The following SLC37A3 variants were observed in gnomAD, a reference collection of about 807,000 sequenced individuals.
The protein encoded by SLC37A3 is sugar phosphate exchanger 3.
A neutral mutation model predicts 67.1 loss-of-function variants in SLC37A3; 51 were observed. The observed-to-expected ratio is 0.76, with a 90% CI of 0.61 to 0.96. The LOEUF is 0.96. Ranked by LOEUF, SLC37A3 falls within the 40% of genes least tolerant of loss-of-function variation. The pLI is 0.00. For synonymous variants in SLC37A3, 214 were observed against 231.4 expected (o/e 0.92, Z 0.68); for missense variants, 508 against 603.0 (o/e 0.84, Z 1.65).
intron 3 of SLC37A3, among the ~76,000 whole-genome samples, chr7:140,372,661 A>G (rs1416053676): frequency 6.6e-6 from 1 of 152,072 alleles, no homozygotes; most frequent in African/African-American, 2.4e-5. Flanking sequence ...TCAAAAGTTC[A>G]AGACCAGCCT....
chr7:140,345,110 T>C, intron 12 of SLC37A3, 106 bp downstream of exon 12: 1 of 973,308 alleles, frequency 1.0e-6, no homozygotes, highest in East Asian at 2.5e-5. Context: ...GAATTCTCTG[T>C]AATTAAGGTT....
rs58258857 is a variant in SLC37A3 at position 140,345,335 on chromosome 7, C to T, written c.1127-72G>A. 2,390 of 1,170,120 alleles carry T rather than the reference C, an allele frequency of 2.0e-3. 32 individuals are homozygous for T. The African/African-American group carries it at 0.032, about 15-fold the overall frequency. 72.5% of individuals were successfully genotyped at this position (1,170,120 alleles called of 1,614,324 possible). Reference sequence around the variant, plus strand: ...TCCACGTGCCTCTGCCAACCGTACGCGAAGATCTGAATCTCCGTGACCTCA... The same window carrying T: ...TCCACGTGCCTCTGCCAACCGTACGTGAAGATCTGAATCTCCGTGACCTCA... On this transcript the variant is annotated intron_variant, in intron 11 of 14. Coordinates refer to ENST00000326232, the MANE Select transcript of SLC37A3 (RefSeq NM_207113.3).
At chr7:140,382,152 T>C (rs1275458126) in intron 2 of SLC37A3, among the ~76,000 whole-genome samples, 1 of 151,930 alleles carries the variant, frequency 6.6e-6, no homozygotes, top group Non-Finnish European at 1.5e-5. Context: ...AGAGCTGTCC[T>C]GTGCATGGGA....
chr7:140,389,969 G>A (rs934744626), intron 1 of SLC37A3, among the ~76,000 whole-genome samples: 4 of 152,054 alleles, frequency 2.6e-5, no homozygotes, highest in African/African-American at 9.7e-5. Context: ...ATGCACTGTA[G>A]TCCTAGCTAC....
intron 6 of SLC37A3, among the ~76,000 whole-genome samples, chr7:140,356,420 G>A (rs1797031885): frequency 1.3e-5 from 2 of 152,128 alleles, no homozygotes; most frequent in East Asian, 1.9e-4. Flanking sequence ...GAGGGCTCAC[G>A]CCTGTAATCT....
intron 1 of SLC37A3, among the ~76,000 whole-genome samples, chr7:140,395,520 G>A (rs998717174): frequency 1.5e-4 from 22 of 149,946 alleles, no homozygotes; most frequent in African/African-American, 4.9e-4. Flanking sequence ...CCACCCTGGC[G>A]AATATGGCGA....
rs746562996 is a variant in SLC37A3, at chr7:140,364,399, T to G, written c.375+9A>C. ...ACCAAAATAATAATAATAAGACCTT[T>G]CAACTTACCACTAATGCAGAAGAGC... On this transcript the variant is annotated intron_variant, in intron 5 of 14. Transcript: ENST00000326232. The G allele has an allele frequency of 6.2e-7, 1 of 1,611,592 alleles. No individual in the cohort carries two copies. Among genetic ancestry groups the G allele is most frequent in the Non-Finnish European group, 8.5e-7 (1 of 1,178,900 alleles).
rs1234448342 is a variant in SLC37A3 at position 140,364,431 on chromosome 7, C to G, written c.352G>C (p.Gly118Arg). The part of the protein sequence containing the change: ...RLNLRWVLSF[G>R]MCSSALVVFV... ...ACCACTAATGCAGAAGAGCACATGC[C>G]AAAAGACAGAACCCATCGCAAATTC... is the stretch of plus-strand genomic sequence containing the variant. Residue 118 changes from glycine (G) to arginine (R), a missense_variant, in exon 5 of 15, where the codon GGC becomes CGC. Physicochemically the swap from Gly to Arg is moderately radical, Grantham distance 125 (BLOSUM62 -2). Transcript: ENST00000326232. The G allele has an allele frequency of 1.2e-6, 2 of 1,613,722 alleles. No homozygotes were observed.
chr7:140,388,158 CA>C (rs2129912574), intron 1 of SLC37A3, among the ~76,000 whole-genome samples: 1 of 151,640 alleles, frequency 6.6e-6, no homozygotes, highest in Non-Finnish European at 1.5e-5. Context: ...TCTGGACAGA[CA>C]TGGTGGCTCA....
At chr7:140,364,571 G>A in intron 4 of SLC37A3, 80 bp from the exon 5 acceptor site, 1 of 1,241,610 alleles carries the variant, frequency 8.1e-7, no homozygotes, top group Non-Finnish European at 1.2e-6. Context: ...AAGCAAATGA[G>A]ACAAACACAG....
At chr7:140,336,853 C>G (rs1796151662) in intron 14 of SLC37A3, among the ~76,000 whole-genome samples, 1 of 150,806 alleles carries the variant, frequency 6.6e-6, no homozygotes, top group Non-Finnish European at 1.5e-5. Flanking sequence ...AATCCCAGCA[C>G]TTTGGGAGGC....
intron 1 of SLC37A3, among the ~76,000 whole-genome samples, chr7:140,389,780 CAATTATTATTTCT>C (rs778083385): frequency 2.0e-5 from 3 of 152,100 alleles, no homozygotes; most frequent in Non-Finnish European, 2.9e-5. Flanking sequence ...AAATTTCCCC[CAATTATTATTTCT>C]AATTTCACTT....
chr7:140,362,746 C>T (rs1585308071), intron 5 of SLC37A3, among the ~76,000 whole-genome samples: 3 of 92,830 alleles, frequency 3.2e-5, no homozygotes, highest in Non-Finnish European at 7.1e-5. Context: ...GCCCCCCACC[C>T]GGCCAGCCGC....
chr7:140,345,391 C>A, intron 11 of SLC37A3, 128 bp from the exon 12 acceptor site: 3 of 688,394 alleles, frequency 4.4e-6, no homozygotes, highest in South Asian at 3.5e-5. Context: ...CAAAGAGACA[C>A]AACTCTCTCT....
intron 2 of SLC37A3, among the ~76,000 whole-genome samples, chr7:140,381,894 A>C (rs1460596599): frequency 1.3e-5 from 2 of 151,290 alleles, no homozygotes; most frequent in African/African-American, 4.9e-5. Flanking sequence ...CGCACCTGTA[A>C]TCCCAGCTAC....
rs1033677892 is a variant in SLC37A3 at position 140,345,334 on chromosome 7, G to A, written c.1127-71C>T. 46 of 1,167,990 alleles carry A rather than the reference G, an allele frequency of 3.9e-5. No individual in the cohort carries two copies. In the African/African-American group the frequency reaches 4.7e-4, roughly 12 times the overall value. The allele number at this position is 1,167,990 out of a possible 1,614,324, so 72.4% of individuals were successfully genotyped here. Reference sequence around the variant, plus strand: ...CTCCACGTGCCTCTGCCAACCGTACGCGAAGATCTGAATCTCCGTGACCTC... The same window carrying A: ...CTCCACGTGCCTCTGCCAACCGTACACGAAGATCTGAATCTCCGTGACCTC... On this transcript the variant is annotated intron_variant, in intron 11 of 14. Coordinates refer to ENST00000326232, the MANE Select transcript of SLC37A3 (RefSeq NM_207113.3).
rs547410246 is a variant in SLC37A3, at chr7:140,363,207, T to C, written c.375+1201A>G. Reference sequence around the variant, plus strand: ...TCTGGGAGGTGTGCCCAGCGGCTCATTGGGGATGGGCCATGATGACAATGG... The same window carrying C: ...TCTGGGAGGTGTGCCCAGCGGCTCACTGGGGATGGGCCATGATGACAATGG... On this transcript the variant is annotated intron_variant, in intron 5 of 14. Transcript: ENST00000326232. 1.0e-3 allele frequency among the ~76,000 whole-genome samples: 84 copies of C among 83,418 alleles called. 12 individuals carry two copies. The highest frequency in any genetic ancestry group is 3.4e-3 in the African/African-American group (76 of 22,252). The allele number at this position is 83,418 out of a possible 152,430, so 54.7% of individuals were successfully genotyped here.
chr7:140,374,451 C>G (rs576985476), intron 3 of SLC37A3, among the ~76,000 whole-genome samples: 1 of 149,934 alleles, frequency 6.7e-6, no homozygotes, highest in African/African-American at 2.5e-5. Context: ...AAGCTGAGAT[C>G]GCGCCACTGT....
intron 4 of SLC37A3, among the ~76,000 whole-genome samples, chr7:140,368,755 A>C (rs1797705957): frequency 6.6e-6 from 1 of 152,004 alleles, no homozygotes; most frequent in Non-Finnish European, 1.5e-5. Context: ...CTATCTCCCC[A>C]GTCTCCCCTC....
Sources: allele counts gnomAD v4.1 joint callset (sites outside exome capture counted in the v4.1 genomes callset), GRCh38; gene constraint gnomAD v4.1.1; transcripts MANE v1.5; gene names NCBI Gene and HGNC (gene_info 2026-07-23, HGNC 2026-07-21).